Variants in TRAFD1 observed in about 807,000 individuals in gnomAD.
TRAFD1 encodes TRAF-type zinc finger domain-containing protein 1.
A neutral mutation model predicts 65.3 loss-of-function variants in TRAFD1; 38 were observed. The observed-to-expected ratio is 0.58, with a 90% CI of 0.45 to 0.76. The LOEUF (loss-of-function observed/expected upper bound fraction) is 0.76. Among genes scored for constraint, TRAFD1 ranks in the 30% least tolerant of loss-of-function variants. The probability of loss-of-function intolerance (pLI) is 0.00; values close to 1 mark genes in which losing one functional copy is unlikely to be tolerated. For missense variants in TRAFD1, 631 were observed against 712.6 expected (o/e 0.89, Z 1.30); for synonymous variants, 223 against 257.2 (o/e 0.87, Z 1.27).
chr12:112,146,358 C>A (rs2030244947), intron 7 of TRAFD1, among the ~76,000 whole-genome samples: 1 of 151,506 alleles, frequency 6.6e-6, no homozygotes, highest in African/African-American at 2.4e-5. Context: ...GAGACCCCAG[C>A]TCTACCAAAA....
At chr12:112,129,716 C>A (rs1375968046) in intron 1 of TRAFD1, among the ~76,000 whole-genome samples, 1 of 152,072 alleles carries the variant, frequency 6.6e-6, no homozygotes, top group African/African-American at 2.4e-5. Context: ...GATCTTGGCT[C>A]ACTGCAACTT....
chr12:112,149,238 G>GA (rs1195600770), intron 8 of TRAFD1: 7 of 150,472 alleles, frequency 4.7e-5, no homozygotes, highest in East Asian at 2.0e-4. Context: ...GAGAAAGAAA[G>GA]AAAAAAAAAG....
At position 112,152,021 on chromosome 12, in the gene TRAFD1, C is replaced by A; in HGVS notation, c.1500C>A (p.Asp500Glu). The change falls in exon 10 of 12, where the codon GAC becomes GAA. Residue 500 changes from aspartate (D) to glutamate (E), a missense_variant. By Grantham distance (45) the Asp-to-Glu change is conservative. Transcript: ENST00000412615. This position sits in a 1 kb window ranked among gnomAD's most constrained non-coding sequence, Gnocchi z 5.0. ...AGGACATCCAGGGGCGGAATCGAGA[C>A]AGCCAGAATGGGGCCATAGCCCCTG... ...DSQDIQGRNR[D>E]SQNGAIAPGH... 6.2e-7 allele frequency: 1 copy of A among 1,614,262 alleles called. No individual in the cohort carries two copies.
intron 1 of TRAFD1, among the ~76,000 whole-genome samples, chr12:112,128,999 C>T (rs1308445648): frequency 1.4e-5 from 2 of 147,622 alleles, no homozygotes; most frequent in Admixed American, 6.9e-5. Flanking sequence ...CCACTGCACT[C>T]CAGCCTAGAC....
chr12:112,146,987 GTTTTTTTTTTTTT>G (rs547077120), intron 7 of TRAFD1, among the ~76,000 whole-genome samples: 23 of 52,530 alleles, frequency 4.4e-4, no homozygotes, highest in Admixed American at 1.3e-3. Flanking sequence ...GGGAACTTCT[GTTTTTTTTTTTTT>G]TTTTTTTTTT....
At chr12:112,151,083 C>A (rs951137432) in intron 9 of TRAFD1, among the ~76,000 whole-genome samples, 4 of 150,438 alleles carry the variant, frequency 2.7e-5, no homozygotes, top group Non-Finnish European at 4.4e-5. Flanking sequence ...ACTAAAAATA[C>A]AAAAATTAGC....
Position 112,149,743 on chromosome 12 carries a change from TTG to T in TRAFD1, c.1159-6_1159-5del, listed in dbSNP as rs2030349181. The stretch of plus-strand genomic sequence containing the variant: ...TCAGAGGTACTAATTCTGGTTTTTC[TTG>T]TTTAGGACCAGTGTGACCAACGCCC... On this transcript the variant is annotated splice_region_variant and splice_polypyrimidine_tract_variant and intron_variant, in intron 8 of 11. Transcript: ENST00000412615. 6.2e-7 allele frequency: 1 copy of T among 1,613,906 alleles called. No individual in the cohort carries two copies. The highest frequency in any genetic ancestry group is 1.3e-5 in the African/African-American group (1 of 74,930).
chr12:112,145,789 C>A, intron 7 of TRAFD1, 127 bp downstream of exon 7: 1 of 809,922 alleles, frequency 1.2e-6, no homozygotes, highest in Non-Finnish European at 2.0e-6. Context: ...AGCAAGTGTT[C>A]TTTTCCATGA....
At chr12:112,145,980 G>A (rs1348579965) in intron 7 of TRAFD1, among the ~76,000 whole-genome samples, 4 of 147,662 alleles carry the variant, frequency 2.7e-5, no homozygotes, top group Non-Finnish European at 6.0e-5. Flanking sequence ...GAGAACACAT[G>A]GACACAGGAA....
Position 112,152,125 on chromosome 12 carries a change from G to A in TRAFD1, c.1604G>A (p.Gly535Glu). ...CCCTCTTTCTCCCCTGGGCCTTCAG[G>A]GAGATACGGAGCTAGGTAAGAATCA... ...IVPSFSPGPS[G>E]RYGASGRSEG... Residue 535 changes from glycine to glutamate, a missense_variant, in exon 10 of 12, where the codon GGG becomes GAG. By Grantham distance (98) the Gly-to-Glu change is moderately conservative. Transcript: ENST00000412615. The surrounding 1 kb of genome is among the most constrained non-coding windows in gnomAD (Gnocchi z 5.0). 1 of 1,612,136 alleles carries A rather than the reference G, an allele frequency of 6.2e-7. No homozygotes were observed. Among genetic ancestry groups the A allele is most frequent in the Non-Finnish European group, 8.5e-7 (1 of 1,178,636 alleles).
chr12:112,134,301 C>T (rs1455020523), intron 2 of TRAFD1, among the ~76,000 whole-genome samples: 1 of 146,654 alleles, frequency 6.8e-6, no homozygotes, highest in Admixed American at 6.9e-5. Context: ...TGAGCCACGG[C>T]GCCCGGCCAG....
At chr12:112,134,593 A>G in intron 2 of TRAFD1, 145 bp from the exon 3 acceptor site, 5 of 955,570 alleles carry the variant, frequency 5.2e-6, no homozygotes, top group South Asian at 5.2e-5. Context: ...GGTAATAGTC[A>G]TGAGTTTGTA....
rs1367352370 is a variant in TRAFD1 at position 112,130,826 on chromosome 12, C to A, written c.47+257C>A. ...CTTATCTTGGTATCTTGGTGCTATACAAGTGCTGTTACTGTAAGCTGACAA... is the reference window on the plus strand; with the variant it reads ...CTTATCTTGGTATCTTGGTGCTATAAAAGTGCTGTTACTGTAAGCTGACAA... On this transcript the variant is annotated intron_variant, in intron 2 of 11. Transcript: ENST00000412615. This position sits in a 1 kb window ranked among gnomAD's most constrained non-coding sequence, Gnocchi z 4.4. 3.9e-5 allele frequency among the ~76,000 whole-genome samples: 6 copies of A among 152,148 alleles called. No individual in the cohort carries two copies. The highest frequency in any genetic ancestry group is 5.9e-5 in the Non-Finnish European group (4 of 68,022).
intron 7 of TRAFD1, among the ~76,000 whole-genome samples, 159 bp from the exon 8 acceptor site, chr12:112,147,915 T>G (rs2030297701): frequency 6.6e-6 from 1 of 152,090 alleles, no homozygotes; most frequent in Non-Finnish European, 1.5e-5. Flanking sequence ...GTGATCCACC[T>G]GCCTCGGCCT....
intron 2 of TRAFD1, among the ~76,000 whole-genome samples, chr12:112,134,381 G>A (rs997120188): frequency 1.2e-4 from 18 of 144,970 alleles, no homozygotes; most frequent in Admixed American, 1.2e-3. Flanking sequence ...TCAGCCTCCC[G>A]AGTAGCTGGG....
At chr12:112,129,193 ATT>A (rs56949881) in intron 1 of TRAFD1, among the ~76,000 whole-genome samples, 2,210 of 81,404 alleles carry the variant, frequency 0.027, 65 homozygotes, top group African/African-American at 0.12. Flanking sequence ...TGGGATGGTG[ATT>A]TTTTTTTTTT....
chr12:112,141,451 A>G (rs1433859057), intron 5 of TRAFD1: 3 of 558,798 alleles, frequency 5.4e-6, no homozygotes, highest in African/African-American at 3.8e-5. Flanking sequence ...GCCAACACTT[A>G]TACAGATTGA....
chr12:112,137,719 G>C lies in TRAFD1; in HGVS notation c.237+2653G>C, dbSNP rs879359398. 6.6e-6 allele frequency among the ~76,000 whole-genome samples: 1 copy of C among 152,106 alleles called. No individual in the cohort carries two copies. The highest frequency in any genetic ancestry group is 1.5e-5 in the Non-Finnish European group (1 of 68,036). On this transcript the variant is annotated intron_variant, in intron 4 of 11. Coordinates refer to ENST00000412615, the MANE Select transcript of TRAFD1 (RefSeq NM_006700.3). This position sits in a 1 kb window ranked among gnomAD's most constrained non-coding sequence, Gnocchi z 4.2. The stretch of plus-strand genomic sequence containing the variant: ...GGAGCTTGCAGTAAGCCGAGGTTGC[G>C]CTACTGCACTTCAGTCAGGGCGACA...
Position 112,141,114 on chromosome 12 carries a change from C to A in TRAFD1, c.533C>A (p.Pro178His). 1 of 1,614,118 alleles carries A rather than the reference C, an allele frequency of 6.2e-7. No individual in the cohort carries two copies. The highest frequency in any genetic ancestry group is 8.5e-7 in the Non-Finnish European group (1 of 1,180,026). ...AGACAAATTGAGGCTCTGGACCCAC[C>A]CATGAGGCTGCCGCGAAGGCCCCTG... Reference protein sequence around the residue: ...LLRQIEALDPPMRLPRRPLRA... With the variant: ...LLRQIEALDPHMRLPRRPLRA... The change falls in exon 5 of 12, where the codon CCC (proline) becomes CAC (histidine). Residue 178 changes from proline (P) to histidine (H), a missense_variant. Coordinates refer to ENST00000412615, the MANE Select transcript of TRAFD1 (RefSeq NM_006700.3).
Sources: gnomAD v4.1 joint callset for allele counts (sites outside exome capture counted in the v4.1 genomes callset) on GRCh38, gnomAD v4.1.1 for gene constraint, Gnocchi (gnomAD v3.1) non-coding constraint, MANE v1.5 for transcripts, NCBI Gene and HGNC (gene_info 2026-07-23, HGNC 2026-07-21) for gene names.